LSM3: variants seen among roughly 807,000 people sequenced by gnomAD.
LSM3 encodes U6 snRNA-associated Sm-like protein LSm3.
LSM3 carries 14 observed loss-of-function variants against 15.4 expected under a neutral mutation model. The observed-to-expected ratio is 0.91, with a 90% CI of 0.60 to 1.42. The LOEUF is 1.42. Among genes scored for constraint, LSM3 ranks in the 40% most tolerant of loss-of-function variants. The probability of loss-of-function intolerance (pLI) is 0.00; values close to 1 mark genes in which losing one functional copy is unlikely to be tolerated. For synonymous variants in LSM3, 46 were observed against 45.1 expected (o/e 1.02, Z -0.08); for missense variants, 88 against 127.9 (o/e 0.69, Z 1.50).
chr3:14,183,552 T>C lies in LSM3; in HGVS notation c.133-385T>C, dbSNP rs1436152131. Among the ~76,000 whole-genome samples, 3 of 152,358 alleles carry C rather than the reference T, an allele frequency of 2.0e-5. No individual in the cohort carries two copies. The East Asian group carries it at 5.8e-4, about 29-fold the overall frequency. ...CTGTATTTTTCTTGTCAGATTGTTA[T>C]AGGTGAAATTGAAGGATGTCTACTG... On this transcript the variant is annotated intron_variant, in intron 2 of 3. Transcript: ENST00000306024.
intron 3 of LSM3, among the ~76,000 whole-genome samples, chr3:14,186,180 C>G (rs1697087886): frequency 6.6e-6 from 1 of 152,220 alleles, no homozygotes; most frequent in Admixed American, 6.5e-5. Context: ...AGCCACTATG[C>G]CAGGCCGTAG....
Position 14,178,874 on chromosome 3 carries a change from T to G in LSM3, c.14T>G (p.Val5Gly), listed in dbSNP as rs377318446. The part of the protein sequence containing the change: MADD[V>G]DQQQTTNTVE... ...AGGGTTTGAAACATGGCGGACGACGTAGACCAGGTAAGTGTATTTTAAGGA... is the reference window on the plus strand; with the variant it reads ...AGGGTTTGAAACATGGCGGACGACGGAGACCAGGTAAGTGTATTTTAAGGA... The change falls in exon 1 of 4, where the codon GTA becomes GGA. Residue 5 changes from valine (V) to glycine (G), a missense_variant. Physicochemically the swap from Val to Gly is moderately radical, Grantham distance 109 (BLOSUM62 -3). Coordinates refer to ENST00000306024, the MANE Select transcript of LSM3 (RefSeq NM_014463.3). The G allele has an allele frequency of 6.2e-7, 1 of 1,614,212 alleles. No individual in the cohort carries two copies. The highest frequency in any genetic ancestry group is 8.5e-7 in the Non-Finnish European group (1 of 1,180,044).
At chr3:14,189,563 CT>C (rs1386723490) in intron 3 of LSM3, among the ~76,000 whole-genome samples, 1 of 152,064 alleles carries the variant, frequency 6.6e-6, no homozygotes, top group Non-Finnish European at 1.5e-5. Context: ...TGATGATGAG[CT>C]TTTTTTCATA....
chr3:14,193,530 C>A (rs1040339347), intron 3 of LSM3, among the ~76,000 whole-genome samples: 3 of 152,120 alleles, frequency 2.0e-5, no homozygotes, highest in African/African-American at 7.2e-5. Context: ...TTAAGTTGAT[C>A]TTCAATCACT....
chr3:14,185,491 C>T (rs1208906292), intron 3 of LSM3, among the ~76,000 whole-genome samples: 1 of 152,084 alleles, frequency 6.6e-6, no homozygotes, highest in African/African-American at 2.4e-5. Context: ...TCTTTAATGC[C>T]CCGCTTAATC....
At chr3:14,188,002 G>A (rs923250507) in intron 3 of LSM3, among the ~76,000 whole-genome samples, 1 of 152,180 alleles carries the variant, frequency 6.6e-6, no homozygotes, top group Non-Finnish European at 1.5e-5. Flanking sequence ...TCTTGGGGAC[G>A]TTGTGCCCTT....
chr3:14,185,380 A>AT (rs55666347), intron 3 of LSM3, among the ~76,000 whole-genome samples: 6 of 151,832 alleles, frequency 4.0e-5, no homozygotes, highest in African/African-American at 1.5e-4. Flanking sequence ...ACAAAAAAAA[A>AT]CCTATCACGT....
At chr3:14,180,738 T>C (rs1388540787) in intron 1 of LSM3, among the ~76,000 whole-genome samples, 1 of 151,314 alleles carries the variant, frequency 6.6e-6, no homozygotes, top group Non-Finnish European at 1.5e-5. Context: ...GATGGCATGA[T>C]TTTTAATCTC....
In LSM3 at chr3:14,180,330, C is replaced by T. The variant is rs138294549; in HGVS notation, c.22-1230C>T. On this transcript the variant is annotated intron_variant, in intron 1 of 3. Transcript: ENST00000306024. ...TTTGGATGGAGTCTCACTCTATCGCCCAGGCTGGAGTGCAGTGGCGTGATC... is the reference window on the plus strand; with the variant it reads ...TTTGGATGGAGTCTCACTCTATCGCTCAGGCTGGAGTGCAGTGGCGTGATC... 1.1e-4 allele frequency among the ~76,000 whole-genome samples: 16 copies of T among 151,928 alleles called. No individual in the cohort carries two copies. In the East Asian group the frequency reaches 1.9e-3, roughly 18 times the overall value.
intron 3 of LSM3, among the ~76,000 whole-genome samples, chr3:14,188,586 A>C (rs948190339): frequency 6.6e-6 from 1 of 152,086 alleles, no homozygotes; most frequent in Non-Finnish European, 1.5e-5. Context: ...TCGTGTCTTT[A>C]TGCATATGCT....
At chr3:14,184,864 T>C (rs2125057296) in intron 3 of LSM3, among the ~76,000 whole-genome samples, 1 of 151,984 alleles carries the variant, frequency 6.6e-6, no homozygotes, top group African/African-American at 2.4e-5. Flanking sequence ...GAGACCAGCC[T>C]GACCAATATG....
chr3:14,193,155 C>T (rs1318869043), intron 3 of LSM3, among the ~76,000 whole-genome samples: 2 of 152,202 alleles, frequency 1.3e-5, no homozygotes, highest in Non-Finnish European at 2.9e-5. Flanking sequence ...TGCTGTTACT[C>T]TGATGGGCTT....
chr3:14,183,501 G>A (rs1416496847), intron 2 of LSM3, among the ~76,000 whole-genome samples: 1 of 152,178 alleles, frequency 6.6e-6, no homozygotes, highest in Non-Finnish European at 1.5e-5. Context: ...TATCTTACCA[G>A]TAAACAAAGG....
At chr3:14,180,866 A>T (rs866500264) in intron 1 of LSM3, among the ~76,000 whole-genome samples, 1 of 130,306 alleles carries the variant, frequency 7.7e-6, no homozygotes, top group African/African-American at 3.0e-5. Flanking sequence ...TTAAAAAAAA[A>T]AAAGACAAGA....
intron 3 of LSM3, among the ~76,000 whole-genome samples, chr3:14,186,826 A>AT (rs1697093946): frequency 6.6e-6 from 1 of 152,218 alleles, no homozygotes; most frequent in South Asian, 2.1e-4. Context: ...AGGTGATGTG[A>AT]TAAAAAAAGA....
intron 1 of LSM3, among the ~76,000 whole-genome samples, chr3:14,180,820 CCTTTTTTTTTTTTTTTTTTT>C (rs1210487116): frequency 4.9e-4 from 25 of 51,418 alleles, no homozygotes; most frequent in African/African-American, 1.7e-3. Context: ...TGCTTGCTTG[CCTTTTTTTTTTTTTTTTTTT>C]TTTTTTTTTT....
Position 14,178,882 on chromosome 3 carries a change from G to A in LSM3, c.21+1G>A. Reference sequence around the variant, plus strand: ...AAACATGGCGGACGACGTAGACCAGGTAAGTGTATTTTAAGGAGGTCGCTC... The same window carrying A: ...AAACATGGCGGACGACGTAGACCAGATAAGTGTATTTTAAGGAGGTCGCTC... On this transcript the variant is annotated splice_donor_variant, in intron 1 of 3. Transcript: ENST00000306024. LOFTEE classifies it high-confidence loss of function. 1 of 1,614,152 alleles carries A rather than the reference G, an allele frequency of 6.2e-7. No homozygotes were observed. Among genetic ancestry groups the A allele is most frequent in the Non-Finnish European group, 8.5e-7 (1 of 1,179,984 alleles).
chr3:14,179,666 C>T (rs758133597), intron 1 of LSM3, among the ~76,000 whole-genome samples: 1 of 152,116 alleles, frequency 6.6e-6, no homozygotes, highest in African/African-American at 2.4e-5. Flanking sequence ...ATGTAAATGC[C>T]ATAAGAGCAG....
chr3:14,181,817 G>A (rs376835544), intron 2 of LSM3, 147 bp downstream of exon 2: 18 of 553,486 alleles, frequency 3.3e-5, no homozygotes, highest in East Asian at 2.7e-4. Context: ...CAAATAAAGC[G>A]GCATGTATTC....
Sources: allele counts gnomAD v4.1 joint callset (sites outside exome capture counted in the v4.1 genomes callset), GRCh38; gene constraint gnomAD v4.1.1; transcripts MANE v1.5; gene names NCBI Gene and HGNC (gene_info 2026-07-23, HGNC 2026-07-21).